TXNDC16: variants seen among roughly 807,000 people sequenced by gnomAD.
TXNDC16 encodes the protein thioredoxin domain-containing protein 16.
Under a neutral mutation model 85.6 loss-of-function variants are expected in TXNDC16, and 74 were observed. The observed-to-expected ratio is 0.86, with a 90% CI of 0.72 to 1.05. The LOEUF (loss-of-function observed/expected upper bound fraction) is 1.05, where lower values mean the gene tolerates loss of function less well. Ranked by LOEUF, TXNDC16 falls within the 50% of genes least tolerant of loss-of-function variation. The pLI is 0.00. For synonymous variants in TXNDC16, 335 were observed against 326.5 expected, an observed-to-expected ratio of 1.03 and a Z score of -0.28; for missense variants, 959 against 947.0, an observed-to-expected ratio of 1.01 and a Z score of -0.17.
chr14:52,460,144 G>A (rs757678578), intron 16 of TXNDC16, among the ~76,000 whole-genome samples: 2 of 152,192 alleles, frequency 1.3e-5, no homozygotes, highest in Non-Finnish European at 2.9e-5. Flanking sequence ...GGAGGCCGAG[G>A]TGGGAGGATA....
chr14:52,438,521 G>A (rs943457987), intron 20 of TXNDC16, among the ~76,000 whole-genome samples: 7 of 151,942 alleles, frequency 4.6e-5, no homozygotes, highest in East Asian at 1.9e-4. Flanking sequence ...TTAAAACTAC[G>A]GTAAAAACAT....
At chr14:52,445,718 T>A (rs997905088) in intron 18 of TXNDC16, among the ~76,000 whole-genome samples, 3 of 152,190 alleles carry the variant, frequency 2.0e-5, no homozygotes, top group African/African-American at 7.2e-5. Flanking sequence ...ATATTTACCA[T>A]TGTTACAAGA....
At chr14:52,520,214 T>C (rs535732011) in intron 6 of TXNDC16, among the ~76,000 whole-genome samples, 74 of 152,288 alleles carry the variant, frequency 4.9e-4, no homozygotes, top group African/African-American at 1.5e-3. Flanking sequence ...AGAACAGGTG[T>C]TCTCAGTCCT....
intron 16 of TXNDC16, among the ~76,000 whole-genome samples, chr14:52,469,758 C>A (rs1227377761): frequency 5.3e-5 from 8 of 151,402 alleles, no homozygotes; most frequent in Non-Finnish European, 7.4e-5. Context: ...ACAAAACAAA[C>A]AAAAAAAACG....
intron 16 of TXNDC16, among the ~76,000 whole-genome samples, 159 bp from the exon 17 acceptor site, chr14:52,457,333 T>C (rs142230411): frequency 0.014 from 2,080 of 152,296 alleles, 59 homozygotes; most frequent in African/African-American, 0.048. Context: ...CCAAAATAAA[T>C]CTGTATTCTC....
At chr14:52,493,221 A>ATATATAT (rs2036455379) in intron 9 of TXNDC16, among the ~76,000 whole-genome samples, 1 of 148,838 alleles carries the variant, frequency 6.7e-6, no homozygotes, top group African/African-American at 2.5e-5. Flanking sequence ...ATATATACAC[A>ATATATAT]CACACACACA....
At chr14:52,448,211 G>T (rs1489887040) in intron 18 of TXNDC16, among the ~76,000 whole-genome samples, 2 of 151,900 alleles carry the variant, frequency 1.3e-5, no homozygotes, top group Non-Finnish European at 2.9e-5. Flanking sequence ...ACACTATGCA[G>T]ATTTAACCCA....
chr14:52,433,009 G>A (rs2034941583), intron 20 of TXNDC16, among the ~76,000 whole-genome samples: 1 of 151,954 alleles, frequency 6.6e-6, no homozygotes, highest in Admixed American at 6.6e-5. Context: ...TAAATCATTC[G>A]AGAAAAAAAT....
chr14:52,512,223 C>T (rs1230611765), intron 8 of TXNDC16, among the ~76,000 whole-genome samples: 3 of 152,006 alleles, frequency 2.0e-5, no homozygotes, highest in East Asian at 1.9e-4. Context: ...AAGCCCTGTG[C>T]TAAACACAAC....
At chr14:52,472,380 G>C (rs2035928142) in intron 14 of TXNDC16, among the ~76,000 whole-genome samples, 1 of 151,964 alleles carries the variant, frequency 6.6e-6, no homozygotes, top group African/African-American at 2.4e-5. Flanking sequence ...TCTATCTTTA[G>C]TAGAGACAGG....
rs752979082 is a variant in TXNDC16 at position 52,519,179 on chromosome 14, TC to T, written c.506del (p.Gly169GlufsTer23). 1 of 1,609,094 alleles carries T rather than the reference TC, an allele frequency of 6.2e-7. No individual in the cohort carries two copies. Among genetic ancestry groups the T allele is most frequent in the South Asian group, 1.1e-5 (1 of 89,904 alleles). On this transcript the variant is annotated frameshift_variant, in exon 7 of 21. Transcript: ENST00000281741. LOFTEE classifies it high-confidence loss of function. ...GCAAAAGTTAAAGAATACCTGGTATTCCAATGGCTCTTACATATGAGAATAT... is the reference window on the plus strand; with the variant it reads ...GCAAAAGTTAAAGAATACCTGGTATTCAATGGCTCTTACATATGAGAATAT... Reference protein sequence around the residue: ...NIIFSYVRAIGIPEHRAVMEA... With the variant: ...NIIFSYVRAIXIPEHRAVMEA...
intron 1 of TXNDC16, among the ~76,000 whole-genome samples, 159 bp downstream of exon 1, chr14:52,552,157 G>A (rs919211605): frequency 6.6e-6 from 1 of 152,222 alleles, no homozygotes; most frequent in African/African-American, 2.4e-5. Context: ...AATGCCCTCA[G>A]GAGGCTCCAG....
At chr14:52,551,153 C>T (rs902610405) in intron 1 of TXNDC16, among the ~76,000 whole-genome samples, 11 of 152,122 alleles carry the variant, frequency 7.2e-5, no homozygotes, top group African/African-American at 2.7e-4. Context: ...ACCACACTAG[C>T]ATCTGGTACC....
In TXNDC16 at chr14:52,543,578, G is replaced by A; in HGVS notation, c.-21C>T. ...AACATTATCAGCTGCAGTTGTATCT[G>A]AGCGGATTTTGTCTGTTTTTTCACT... On this transcript the variant is annotated 5_prime_UTR_variant, in exon 3 of 21. Coordinates refer to ENST00000281741, the MANE Select transcript of TXNDC16 (RefSeq NM_020784.3). 3 of 1,611,012 alleles carry A rather than the reference G, an allele frequency of 1.9e-6. No individual in the cohort carries two copies. The highest frequency in any genetic ancestry group is 2.2e-5 in the South Asian group (2 of 90,296).
At chr14:52,460,959 G>C (rs2035639736) in intron 16 of TXNDC16, among the ~76,000 whole-genome samples, 2 of 151,636 alleles carry the variant, frequency 1.3e-5, no homozygotes, top group South Asian at 4.2e-4. Flanking sequence ...ATTTCAGTCA[G>C]CTTTTAATCA....
chr14:52,442,547 A>G (rs1262014764), intron 18 of TXNDC16, among the ~76,000 whole-genome samples: 1 of 152,172 alleles, frequency 6.6e-6, no homozygotes, highest in African/African-American at 2.4e-5. Flanking sequence ...TTCTCAGAGC[A>G]GCTTGCATTT....
chr14:52,551,221 C>T (rs961755757), intron 1 of TXNDC16, among the ~76,000 whole-genome samples: 2 of 151,682 alleles, frequency 1.3e-5, no homozygotes, highest in Non-Finnish European at 2.9e-5. Context: ...CTGTGGAATA[C>T]TTAGCTAGGA....
chr14:52,462,853 G>A, intron 16 of TXNDC16: 1 of 441,684 alleles, frequency 2.3e-6, no homozygotes. Flanking sequence ...TTTGTAGGTA[G>A]TTGTAGCCAG....
intron 6 of TXNDC16, among the ~76,000 whole-genome samples, chr14:52,520,398 C>G (rs1179252552): frequency 6.6e-6 from 1 of 152,040 alleles, no homozygotes; most frequent in Non-Finnish European, 1.5e-5. Flanking sequence ...CCGAGGCGGG[C>G]GGATCACGAG....
Sources: gnomAD v4.1 joint callset for allele counts (sites outside exome capture counted in the v4.1 genomes callset) on GRCh38, gnomAD v4.1.1 for gene constraint, MANE v1.5 for transcripts, NCBI Gene and HGNC (gene_info 2026-07-23, HGNC 2026-07-21) for gene names.